Variants in GNB5 observed in about 807,000 individuals in gnomAD.
The protein encoded by GNB5 is G protein subunit beta 5.
A neutral mutation model predicts 55.3 loss-of-function variants in GNB5; 37 were observed. The ratio of observed to expected loss-of-function variants is 0.67; its 90% CI spans 0.51 to 0.88. The LOEUF (loss-of-function observed/expected upper bound fraction) is 0.88. Among genes scored for constraint, GNB5 ranks in the 40% least tolerant of loss-of-function variants. The pLI is 0.00. For missense variants in GNB5, 476 were observed against 515.3 expected (o/e 0.92, Z 0.74); for synonymous variants, 219 against 198.5 (o/e 1.10, Z -0.87).
At chr15:52,175,171 A>G (rs2034626285) in intron 3 of GNB5, among the ~76,000 whole-genome samples, 1 of 152,116 alleles carries the variant, frequency 6.6e-6, no homozygotes, top group Admixed American at 6.5e-5. Context: ...CTCCCTGACT[A>G]GGGCAGAGGC....
rs550272310 is a variant in GNB5, at chr15:52,128,456, T to C, written c.864-212A>G. ...GGACAGTGACACTGGCCTTGCAGAG[T>C]GAGATAATATGTGTTGATATCAGGC... On this transcript the variant is annotated intron_variant, in intron 9 of 12. Transcript: ENST00000261837. The C allele has an allele frequency of 4.9e-4, 300 of 614,574 alleles. 3 individuals are homozygous for C. In the Middle Eastern group the frequency reaches 0.016, roughly 32 times the overall value. The allele number at this position is 614,574 out of a possible 1,614,324, so 38.1% of individuals were successfully genotyped here. A position where few individuals can be genotyped will look rare whatever the true frequency, so the allele number is the denominator to read the frequency against.
intron 4 of GNB5, among the ~76,000 whole-genome samples, chr15:52,150,303 T>C (rs932590768): frequency 2.0e-5 from 3 of 152,194 alleles, no homozygotes; most frequent in Non-Finnish European, 4.4e-5. Flanking sequence ...ACATTACCTT[T>C]AGGCACCTGA....
At position 52,133,359 on chromosome 15, in the gene GNB5, G is replaced by C. The variant is rs767930156; in HGVS notation, c.863+19C>G. 75 of 1,502,934 alleles carry C rather than the reference G, an allele frequency of 5.0e-5. No individual in the cohort carries two copies. The highest frequency in any genetic ancestry group is 1.2e-4 in the Admixed American group (7 of 59,830). 93.1% of individuals were successfully genotyped at this position (1,502,934 alleles called of 1,614,324 possible). A position where few individuals can be genotyped will look rare whatever the true frequency, so the allele number is the denominator to read the frequency against. ...TGCCGGCAGAACAGAGAGGTGGCAT[G>C]AACATTCTACTCACTGACCGGACAC... On this transcript the variant is annotated intron_variant, in intron 9 of 12. Coordinates refer to ENST00000261837, the MANE Select transcript of GNB5 (RefSeq NM_016194.4).
At position 52,153,925 on chromosome 15, in the gene GNB5, G is replaced by A. The variant is rs772453621; in HGVS notation, c.375+15C>T. On this transcript the variant is annotated intron_variant, in intron 4 of 12. Transcript: ENST00000261837. The stretch of plus-strand genomic sequence containing the variant: ...CCAAAACCCGCTCACCTGTTATGCA[G>A]CAGGTGTGACATACCTGTGACGAGC... 2 of 1,603,182 alleles carry A rather than the reference G, an allele frequency of 1.2e-6. No homozygotes were observed. Among genetic ancestry groups the A allele is most frequent in the Non-Finnish European group, 1.7e-6 (2 of 1,171,334 alleles).
At chr15:52,169,374 T>C (rs970211453) in intron 3 of GNB5, among the ~76,000 whole-genome samples, 1 of 149,236 alleles carries the variant, frequency 6.7e-6, no homozygotes, top group Non-Finnish European at 1.5e-5. Context: ...CCGTCTCTAC[T>C]AAAAATACAA....
At chr15:52,189,204 G>A (rs28479304) in intron 1 of GNB5, among the ~76,000 whole-genome samples, 1,613 of 152,306 alleles carry the variant, frequency 0.011, 32 homozygotes, top group African/African-American at 0.038. Context: ...TGGTGCAGCT[G>A]TGGAAAACGG....
At chr15:52,179,923 T>A in intron 2 of GNB5, 44 bp from the exon 3 acceptor site, 3 of 1,464,386 alleles carry the variant, frequency 2.0e-6, no homozygotes, top group African/African-American at 3.0e-5. Flanking sequence ...AGAGCGGGAA[T>A]GCGCTGAGCC....
At chr15:52,179,663 T>TGGCTCCCGTCGCAGCCAC in intron 3 of GNB5, 105 bp downstream of exon 3, 1 of 639,322 alleles carries the variant, frequency 1.6e-6, no homozygotes, top group Non-Finnish European at 2.2e-6. Context: ...GGCGCGGGCC[T>TGGCTCCCGTCGCAGCCAC]GGCTCCCGTC....
intron 1 of GNB5, among the ~76,000 whole-genome samples, chr15:52,190,039 TAAAA>T (rs1263738282): frequency 1.3e-5 from 2 of 151,974 alleles, no homozygotes; most frequent in African/African-American, 4.8e-5. Flanking sequence ...TAAATAAACT[TAAAA>T]AACACTGAAA....
chr15:52,128,046 GT>G, intron 10 of GNB5, 149 bp downstream of exon 10: 1 of 519,788 alleles, frequency 1.9e-6, no homozygotes, highest in Non-Finnish European at 3.4e-6. Context: ...TTTTTCTTGG[GT>G]AAGGAGATCA....
chr15:52,137,563 T>C lies in GNB5; in HGVS notation c.628-1807A>G, dbSNP rs892604167. 4.1e-5 allele frequency: 43 copies of C among 1,038,414 alleles called. No homozygotes were observed. The South Asian group carries it at 7.7e-4, about 19-fold the overall frequency. 64.3% of individuals were successfully genotyped at this position (1,038,414 alleles called of 1,614,324 possible). On this transcript the variant is annotated intron_variant, in intron 7 of 12. Transcript: ENST00000261837. ...GGCAGAGGCCCAAAGAGCCTCTGGA[T>C]AGCTTACAAGTACAAAGGTCAGCCA...
chr15:52,138,135 C>A (rs769379878), intron 7 of GNB5, among the ~76,000 whole-genome samples: 3 of 151,916 alleles, frequency 2.0e-5, no homozygotes, highest in Non-Finnish European at 4.4e-5. Flanking sequence ...TTTTTCCCAG[C>A]ACTTTGGGAG....
intron 5 of GNB5, 83 bp from the exon 6 acceptor site, chr15:52,147,618 A>T: frequency 1.5e-6 from 1 of 670,958 alleles, no homozygotes; most frequent in Non-Finnish European, 2.5e-6. Flanking sequence ...ATGGAGTCTC[A>T]CTCTGTTGCC....
rs186564042 is a variant in GNB5, at chr15:52,152,418, G to A, written c.375+1522C>T. On this transcript the variant is annotated intron_variant, in intron 4 of 12. Coordinates refer to ENST00000261837, the MANE Select transcript of GNB5 (RefSeq NM_016194.4). The stretch of plus-strand genomic sequence containing the variant: ...AGCTCACTGCAACCTCCGCCTCCTA[G>A]GTTCAAGCGATTCTCCTGCCTCAGC... 1.4e-4 allele frequency among the ~76,000 whole-genome samples: 21 copies of A among 150,302 alleles called. No homozygotes were observed. The East Asian group carries it at 3.9e-3, about 28-fold the overall frequency.
At chr15:52,181,920 GAATA>G (rs1250629391) in intron 2 of GNB5, among the ~76,000 whole-genome samples, 15 of 151,858 alleles carry the variant, frequency 9.9e-5, no homozygotes, top group African/African-American at 2.4e-4. Context: ...GTTTATAAAT[GAATA>G]AATATATAAA....
Position 52,149,861 on chromosome 15 carries a change from C to T in GNB5, c.417+23G>A, listed in dbSNP as rs757290074. On this transcript the variant is annotated intron_variant, in intron 5 of 12. Transcript: ENST00000261837. Reference sequence around the variant, plus strand: ...GGCTGGGATTCTGAAGCCTCTATAACGTGGCTGGGAACAATGCCTCACCTT... The same window carrying T: ...GGCTGGGATTCTGAAGCCTCTATAATGTGGCTGGGAACAATGCCTCACCTT... 3.2e-6 allele frequency: 5 copies of T among 1,583,246 alleles called. No individual in the cohort carries two copies. The South Asian group carries it at 3.3e-5, about 11-fold the overall frequency.
At chr15:52,141,635 AC>A (rs2033856757) in intron 6 of GNB5, among the ~76,000 whole-genome samples, 1 of 152,032 alleles carries the variant, frequency 6.6e-6, no homozygotes, top group Non-Finnish European at 1.5e-5. Flanking sequence ...TATACTGAAC[AC>A]CCAGATCCCT....
chr15:52,135,893 A>ACACACCCC (rs1431967062), intron 7 of GNB5, 137 bp from the exon 8 acceptor site: 2 of 672,146 alleles, frequency 3.0e-6, no homozygotes, highest in East Asian at 3.0e-5. Flanking sequence ...ACACACACAC[A>ACACACCCC]CCCTACCTGC....
At chr15:52,156,410 CTT>C (rs2034208456) in intron 3 of GNB5, among the ~76,000 whole-genome samples, 1 of 152,194 alleles carries the variant, frequency 6.6e-6, no homozygotes, top group Admixed American at 6.5e-5. Flanking sequence ...GGCTAAAAGT[CTT>C]TGTGAAAACT....
Sources: gnomAD v4.1 joint callset for allele counts (sites outside exome capture counted in the v4.1 genomes callset) on GRCh38, gnomAD v4.1.1 for gene constraint, MANE v1.5 for transcripts, NCBI Gene and HGNC (gene_info 2026-07-23, HGNC 2026-07-21) for gene names.